The following PGPEP1 variants were observed in gnomAD, a reference collection of about 807,000 sequenced individuals.
PGPEP1 encodes the protein pyroglutamyl-peptidase I.
Under a neutral mutation model 24.1 loss-of-function variants are expected in PGPEP1, and 15 were observed. The observed-to-expected ratio is 0.62, with a 90% CI of 0.42 to 0.96. The LOEUF (loss-of-function observed/expected upper bound fraction) is 0.96, where lower values mean the gene tolerates loss of function less well. Among genes scored for constraint, PGPEP1 ranks in the 40% least tolerant of loss-of-function variants. The pLI is 0.00. For missense variants in PGPEP1, 242 were observed against 273.4 expected (o/e 0.89, Z 0.81); for synonymous variants, 122 against 116.4 (o/e 1.05, Z -0.31).
At chr19:18,356,094 T>A in intron 3 of PGPEP1, 83 bp downstream of exon 3, 1 of 825,300 alleles carries the variant, frequency 1.2e-6, no homozygotes, top group Admixed American at 1.7e-5. Context: ...GTGGCTTTGG[T>A]CCTGATCAGA....
intron 2 of PGPEP1, among the ~76,000 whole-genome samples, chr19:18,343,596 C>T (rs554120868): frequency 5.3e-5 from 8 of 151,688 alleles, no homozygotes; most frequent in African/African-American, 7.2e-5. Flanking sequence ...TGGATATAAA[C>T]GTAGCTGGTT....
rs28568614 is a variant in PGPEP1, at chr19:18,368,209, A to G, written c.*4626A>G. On this transcript the variant is annotated 3_prime_UTR_variant, in exon 5 of 5. Coordinates refer to ENST00000269919, the MANE Select transcript of PGPEP1 (RefSeq NM_017712.4). ...TCCCAGCACTTTGGGAGGCCAAGGC[A>G]GACTGATCGCTTGAGGCCAGGAGTT... 83,926 of 152,022 alleles carry G rather than the reference A, an allele frequency of 0.55. 23,237 individuals are homozygous for G. Among genetic ancestry groups the G allele is most frequent in the Middle Eastern group, 0.63 (186 of 296 alleles). 9.4% of individuals were successfully genotyped at this position (152,022 alleles called of 1,614,324 possible).
intron 2 of PGPEP1, among the ~76,000 whole-genome samples, chr19:18,353,672 C>T (rs1971102106): frequency 1.3e-5 from 2 of 152,178 alleles, no homozygotes; most frequent in South Asian, 2.1e-4. Context: ...CCCTGGCAGC[C>T]ACTCGTCTGC....
chr19:18,359,386 A>G lies in PGPEP1; in HGVS notation c.437+1771A>G, dbSNP rs73531404. Among the ~76,000 whole-genome samples, 854 of 152,124 alleles carry G rather than the reference A, an allele frequency of 5.6e-3. 7 individuals carry two copies. Among genetic ancestry groups the G allele is most frequent in the African/African-American group, 0.02 (819 of 41,506 alleles). ...ACTCACCCCATATCCATTGCACTCC[A>G]GACACATGAACCAGCTTCCTCCTGC... is the stretch of plus-strand genomic sequence containing the variant. On this transcript the variant is annotated intron_variant, in intron 4 of 4. Coordinates refer to ENST00000269919, the MANE Select transcript of PGPEP1 (RefSeq NM_017712.4).
At chr19:18,357,355 G>A (rs1971212285) in intron 3 of PGPEP1, 28 bp from the exon 4 acceptor site, 1 of 1,576,732 alleles carries the variant, frequency 6.3e-7, no homozygotes, top group Non-Finnish European at 8.7e-7. Flanking sequence ...GGCAGGCCAT[G>A]TTAAGTCCTG....
intron 2 of PGPEP1, among the ~76,000 whole-genome samples, chr19:18,353,441 C>T (rs992566167): frequency 2.0e-5 from 3 of 151,990 alleles, no homozygotes; most frequent in African/African-American, 7.2e-5. Flanking sequence ...AACTCCTGGG[C>T]TAAAGCAATC....
intron 4 of PGPEP1, among the ~76,000 whole-genome samples, chr19:18,358,952 G>A (rs896271418): frequency 6.6e-6 from 1 of 152,068 alleles, no homozygotes; most frequent in Non-Finnish European, 1.5e-5. Context: ...AGGTGAACAC[G>A]AATGTTGAGG....
chr19:18,359,014 G>A (rs768801229), intron 4 of PGPEP1, among the ~76,000 whole-genome samples: 3 of 152,066 alleles, frequency 2.0e-5, no homozygotes, highest in East Asian at 1.9e-4. Context: ...AGGGCCAGGC[G>A]CAGTGGCTCA....
chr19:18,344,649 A>G (rs1462274290), intron 2 of PGPEP1, among the ~76,000 whole-genome samples: 3 of 146,720 alleles, frequency 2.0e-5, no homozygotes, highest in African/African-American at 7.6e-5. Flanking sequence ...GGGTCCCGGG[A>G]CCCTGCAGAT....
intron 3 of PGPEP1, 65 bp downstream of exon 3, chr19:18,356,076 G>A: frequency 3.1e-6 from 3 of 956,628 alleles, no homozygotes; most frequent in South Asian, 2.6e-5. Context: ...TTCATGTGGA[G>A]GACTTAGGTG....
At chr19:18,345,903 A>G (rs1366140604) in intron 2 of PGPEP1, among the ~76,000 whole-genome samples, 1 of 150,620 alleles carries the variant, frequency 6.6e-6, no homozygotes, top group Non-Finnish European at 1.5e-5. Context: ...GCCAGAAATC[A>G]CTTGAACCCA....
chr19:18,361,956 C>G, intron 4 of PGPEP1: 1 of 882,012 alleles, frequency 1.1e-6, no homozygotes, highest in Non-Finnish European at 1.4e-6. Flanking sequence ...TCATAGGATT[C>G]CATGGTGTGG....
At chr19:18,361,763 T>C in intron 4 of PGPEP1, 2 of 985,364 alleles carry the variant, frequency 2.0e-6, no homozygotes, top group Non-Finnish European at 2.4e-6. Flanking sequence ...CATATATACA[T>C]CACTTGGCCT....
chr19:18,343,003 CT>C (rs35175980), intron 2 of PGPEP1, 92 bp downstream of exon 2: 107,576 of 706,824 alleles, frequency 0.15, 1,198 homozygotes, highest in Middle Eastern at 0.19. Flanking sequence ...TTAACAAAAA[CT>C]TTTTTTTTTT....
At chr19:18,346,633 C>CTTTTTTTTTTTTTTT (rs775309565) in intron 2 of PGPEP1, among the ~76,000 whole-genome samples, 4 of 79,536 alleles carry the variant, frequency 5.0e-5, no homozygotes, top group Admixed American at 1.9e-4. Flanking sequence ...CTGTTTCTCT[C>CTTTTTTTTTTTTTTT]TTTTTTTTTT....
rs1429926885 is a variant in PGPEP1, at chr19:18,364,459, CA to C, written c.*881del. Reference sequence around the variant, plus strand: ...TGAAACCCTGCCTCTACTAAAAATACAAAAATTAGCCGGGCATGGTGATGAG... The same window carrying C: ...TGAAACCCTGCCTCTACTAAAAATACAAAATTAGCCGGGCATGGTGATGAG... On this transcript the variant is annotated 3_prime_UTR_variant, in exon 5 of 5. Coordinates refer to ENST00000269919, the MANE Select transcript of PGPEP1 (RefSeq NM_017712.4). 2 of 152,116 alleles carry C rather than the reference CA, an allele frequency of 1.3e-5. No individual in the cohort carries two copies. The highest frequency in any genetic ancestry group is 2.4e-5 in the African/African-American group (1 of 41,408). The allele number at this position is 152,116 out of a possible 1,614,324, so 9.4% of individuals were successfully genotyped here.
intron 4 of PGPEP1, among the ~76,000 whole-genome samples, chr19:18,363,029 T>TGTGTGTGTGTGTGTG (rs1555713123): frequency 1.7e-5 from 1 of 59,418 alleles, no homozygotes; most frequent in African/African-American, 6.0e-5. Flanking sequence ...CAAGTTTTTT[T>TGTGTGTGTGTGTGTG]TGTTTGTGTG....
chr19:18,352,369 G>A (rs1971058481), intron 2 of PGPEP1, among the ~76,000 whole-genome samples: 1 of 151,062 alleles, frequency 6.6e-6, no homozygotes, highest in South Asian at 2.1e-4. Context: ...TCTTGAGGCC[G>A]GGAAGCAGAG....
chr19:18,357,656 C>A, intron 4 of PGPEP1, 41 bp downstream of exon 4: 2 of 1,393,646 alleles, frequency 1.4e-6, no homozygotes, highest in Non-Finnish European at 2.0e-6. Flanking sequence ...GATTTCCCTC[C>A]TCCACCCACT....
Sources: gnomAD v4.1 joint callset for allele counts (sites outside exome capture counted in the v4.1 genomes callset) on GRCh38, gnomAD v4.1.1 for gene constraint, MANE v1.5 for transcripts, NCBI Gene and HGNC (gene_info 2026-07-23, HGNC 2026-07-21) for gene names.